CCDC30: variants seen among roughly 807,000 people sequenced by gnomAD.
CCDC30 encodes the protein coiled-coil domain containing 30.
CCDC30 carries 70 observed loss-of-function variants against 100.2 expected under a neutral mutation model. The observed-to-expected ratio is 0.70, with a 90% CI of 0.58 to 0.85. The LOEUF (loss-of-function observed/expected upper bound fraction) is 0.85, where lower values mean the gene tolerates loss of function less well. CCDC30 is among the 40% of genes least tolerant of loss of function. CCDC30 has a pLI of 0.00. For missense variants in CCDC30, 652 were observed against 771.2 expected (o/e 0.85, Z 1.83); for synonymous variants, 233 against 269.5 (o/e 0.86, Z 1.33).
At chr1:42,483,405 GA>G in intron 3 of CCDC30, among the ~76,000 whole-genome samples, 1 of 152,196 alleles carries the variant, frequency 6.6e-6, no homozygotes, top group Non-Finnish European at 1.5e-5. Context: ...GGTAAGAGCA[GA>G]ATTACTGAAT....
At chr1:42,577,360 T>C in intron 8 of CCDC30, 131 bp downstream of exon 12, 1 of 664,048 alleles carries the variant, frequency 1.5e-6, no homozygotes, top group Non-Finnish European at 2.5e-6. Flanking sequence ...CTCTCCCATG[T>C]TTTCTTCTGT....
intron 11 of CCDC30, among the ~76,000 whole-genome samples, chr1:42,619,289 G>T (rs144700068): frequency 2.6e-5 from 4 of 152,282 alleles, no homozygotes; most frequent in African/African-American, 9.6e-5. Flanking sequence ...GGAGAAAGAG[G>T]AGTACTATTT....
rs180701067 is a variant in CCDC30, at chr1:42,604,358, C to G, written c.1165-6620C>G. 6.5e-4 allele frequency among the ~76,000 whole-genome samples: 99 copies of G among 152,326 alleles called. 1 individual carries two copies. The highest frequency in any genetic ancestry group is 8.5e-4 in the Admixed American group (13 of 15,302). Reference sequence around the variant, plus strand: ...TTGATTCCAGAATCTAAAGAGGCAACTCCAAGCACTTGGCCTTTTCTTCCA... The same window carrying G: ...TTGATTCCAGAATCTAAAGAGGCAAGTCCAAGCACTTGGCCTTTTCTTCCA... On this transcript the variant is annotated intron_variant, in intron 10 of 16. Transcript: ENST00000668663.
At chr1:42,657,026 C>T (rs1648688851), downstream of CCDC30, among the ~76,000 whole-genome samples, 1 of 151,994 alleles carries the variant, frequency 6.6e-6, no homozygotes, top group Admixed American at 6.6e-5. Flanking sequence ...TTGGAGGAGA[C>T]CAAGAGGAGA....
intron 6 of CCDC30, chr1:42,537,374 C>G: frequency 1.5e-5 from 6 of 389,222 alleles, no homozygotes; most frequent in South Asian, 9.5e-5. Flanking sequence ...CTAATCTCAT[C>G]CTAATGACCT....
chr1:42,625,488 T>A (rs1646916728), intron 11 of CCDC30, among the ~76,000 whole-genome samples: 1 of 152,110 alleles, frequency 6.6e-6, no homozygotes, highest in African/African-American at 2.4e-5. Flanking sequence ...GGTTTTTTTT[T>A]ATGTAGGCAC....
At chr1:42,526,565 T>C (rs1041179693) in intron 6 of CCDC30, among the ~76,000 whole-genome samples, 3 of 152,174 alleles carry the variant, frequency 2.0e-5, no homozygotes, top group East Asian at 1.9e-4. Flanking sequence ...GCTAAAGAAA[T>C]TGATCTTTTA....
At chr1:42,615,905 C>T (rs961634874) in intron 11 of CCDC30, among the ~76,000 whole-genome samples, 2 of 151,546 alleles carry the variant, frequency 1.3e-5, no homozygotes, top group Admixed American at 1.3e-4. Flanking sequence ...TTATTTTGAA[C>T]TTGTTTTTTG....
intron 8 of CCDC30, among the ~76,000 whole-genome samples, chr1:42,578,351 A>G (rs1045628560): frequency 2.6e-5 from 4 of 152,204 alleles, no homozygotes; most frequent in African/African-American, 9.6e-5. Context: ...GATAGTGGTT[A>G]TTCTTGTGAC....
At chr1:42,651,692 T>C (rs1469116067) in intron 15 of CCDC30, among the ~76,000 whole-genome samples, 1 of 152,058 alleles carries the variant, frequency 6.6e-6, no homozygotes, top group Non-Finnish European at 1.5e-5. Context: ...AGCAAGACCC[T>C]GTATCTACAA....
chr1:42,567,673 A>T (rs1319491526), intron 7 of CCDC30, among the ~76,000 whole-genome samples: 1 of 151,994 alleles, frequency 6.6e-6, no homozygotes. Context: ...TCTTTATCAC[A>T]TGTTCTTATA....
chr1:42,504,970 A>G (rs1644373819), intron 6 of CCDC30, among the ~76,000 whole-genome samples: 1 of 152,238 alleles, frequency 6.6e-6, no homozygotes, highest in Non-Finnish European at 1.5e-5. Flanking sequence ...ACCTCTTGTC[A>G]GTAGCTATTA....
Position 42,505,748 on chromosome 1 carries a change from C to G in CCDC30, c.456+6832C>G, listed in dbSNP as rs572903532. Reference sequence around the variant, plus strand: ...TTGGGTGATCCTTTCCTCTTAAGTTCCTAAGATAAGCTTGGAGCACCTGGA... The same window carrying G: ...TTGGGTGATCCTTTCCTCTTAAGTTGCTAAGATAAGCTTGGAGCACCTGGA... On this transcript the variant is annotated intron_variant, in intron 6 of 16. Coordinates refer to ENST00000668663, the Ensembl canonical transcript of CCDC30. Among the ~76,000 whole-genome samples, 58 of 152,290 alleles carry G rather than the reference C, an allele frequency of 3.8e-4. 1 individual carries two copies. In the South Asian group the frequency reaches 0.011, roughly 29 times the overall value.
chr1:42,574,477 C>T lies in CCDC30; in HGVS notation c.637-2543C>T, dbSNP rs548499776. ...AGAAGAAAAGATATATAATGATGGTCATTTCACTTTTATAATATTAGTTAC... is the reference window on the plus strand; with the variant it reads ...AGAAGAAAAGATATATAATGATGGTTATTTCACTTTTATAATATTAGTTAC... On this transcript the variant is annotated intron_variant, in intron 7 of 16. Transcript: ENST00000668663. 8.6e-5 allele frequency among the ~76,000 whole-genome samples: 13 copies of T among 152,030 alleles called. No homozygotes were observed. The South Asian group carries it at 2.5e-3, about 29-fold the overall frequency.
rs556847996 is a variant in CCDC30, at chr1:42,580,620, G to T, written c.847-740G>T. Among the ~76,000 whole-genome samples, 4 of 151,978 alleles carry T rather than the reference G, an allele frequency of 2.6e-5. No individual in the cohort carries two copies. The South Asian group carries it at 8.3e-4, about 32-fold the overall frequency. On this transcript the variant is annotated intron_variant, in intron 8 of 16. Transcript: ENST00000668663. ...GAAATTTATCTTTAAAAAATGTGGG[G>T]GTTTTTTGCTGCTACATGAAAAAGG... is the stretch of plus-strand genomic sequence containing the variant.
At chr1:42,541,719 A>G (rs1285987074) in intron 6 of CCDC30, among the ~76,000 whole-genome samples, 2 of 152,234 alleles carry the variant, frequency 1.3e-5, no homozygotes, top group Non-Finnish European at 2.9e-5. Flanking sequence ...TTTACTCATT[A>G]AAAGTTTCTG....
intron 6 of CCDC30, among the ~76,000 whole-genome samples, chr1:42,499,532 G>A (rs1644276208): frequency 1.3e-5 from 2 of 152,030 alleles, no homozygotes; most frequent in African/African-American, 4.8e-5. Flanking sequence ...CTGGAGTACA[G>A]GGGTGCAGTC....
chr1:42,564,863 A>G (rs1045473107), intron 6 of CCDC30, among the ~76,000 whole-genome samples: 1 of 151,820 alleles, frequency 6.6e-6, no homozygotes, highest in Non-Finnish European at 1.5e-5. Flanking sequence ...CCACCATTCT[A>G]CTTGCTGCTT....
chr1:42,584,612 A>AC (rs1287497817), intron 9 of CCDC30, among the ~76,000 whole-genome samples: 2 of 151,964 alleles, frequency 1.3e-5, no homozygotes, highest in African/African-American at 4.8e-5. Flanking sequence ...TCTCAAAAAA[A>AC]AGAAAGTTTC....
Sources: gnomAD v4.1 joint callset for allele counts (sites outside exome capture counted in the v4.1 genomes callset) on GRCh38, gnomAD v4.1.1 for gene constraint, MANE v1.5 for transcripts, NCBI Gene and HGNC (gene_info 2026-07-23, HGNC 2026-07-21) for gene names.